The following IFFO2 variants were observed in gnomAD, a reference collection of about 807,000 sequenced individuals.
IFFO2 encodes intermediate filament family orphan 2.
A neutral mutation model predicts 53.5 loss-of-function variants in IFFO2; 19 were observed. That is an observed-to-expected ratio of 0.36 (90% CI 0.25 to 0.52). The LOEUF (loss-of-function observed/expected upper bound fraction) is 0.52. IFFO2 is among the 20% of genes least tolerant of loss of function. IFFO2 has a pLI of 0.94. For missense variants in IFFO2, 570 were observed against 727.4 expected, an observed-to-expected ratio of 0.78 and a Z score of 2.49; for synonymous variants, 303 against 313.6, an observed-to-expected ratio of 0.97 and a Z score of 0.36.
At chr1:18,942,768 G>A (rs569034755) in intron 1 of IFFO2, among the ~76,000 whole-genome samples, 1 of 152,272 alleles carries the variant, frequency 6.6e-6, no homozygotes, top group African/African-American at 2.4e-5. Context: ...GGCTCTGCCA[G>A]CAGTAGCTTG....
chr1:18,952,554 A>G (rs28422004), intron 1 of IFFO2, among the ~76,000 whole-genome samples: 43,725 of 152,206 alleles, frequency 0.29, 7,190 homozygotes, highest in East Asian at 0.5. Flanking sequence ...TACATGCTAC[A>G]ACATGGATGA....
chr1:18,955,543 A>G (rs1046335694), intron 1 of IFFO2, 125 bp downstream of exon 1: 85 of 1,357,610 alleles, frequency 6.3e-5, no homozygotes, highest in Admixed American at 8.9e-5. Flanking sequence ...CGCTCTGCAA[A>G]CACAGCTTCC....
Position 18,906,801 on chromosome 1 carries a change from G to C in IFFO2, c.*1760C>G, listed in dbSNP as rs369130425. The C allele has an allele frequency of 6.6e-6, 1 of 152,198 alleles. No homozygotes were observed. Among genetic ancestry groups the C allele is most frequent in the Non-Finnish European group, 1.5e-5 (1 of 68,036 alleles). The allele number at this position is 152,198 out of a possible 1,614,324, so 9.4% of individuals were successfully genotyped here. ...ACAGCCAGACTGCCACAGGGGACCC[G>C]TGGGAGGTGCCCCCAGCAAAAGAAA... On this transcript the variant is annotated 3_prime_UTR_variant, in exon 9 of 9. Transcript: ENST00000455833.
At chr1:18,914,434 G>A (rs1936100881) in intron 5 of IFFO2, among the ~76,000 whole-genome samples, 1 of 152,138 alleles carries the variant, frequency 6.6e-6, no homozygotes, top group African/African-American at 2.4e-5. Flanking sequence ...CCCAGCCTGG[G>A]ATCTCCGGGA....
In IFFO2 at chr1:18,918,530, G is replaced by C. The variant is rs1345474101; in HGVS notation, c.823-28C>G. 1.8e-5 allele frequency: 28 copies of C among 1,550,756 alleles called. No individual in the cohort carries two copies. The highest frequency in any genetic ancestry group is 2.7e-5 in the African/African-American group (2 of 72,986). ...GCAGGGAGGACAGCAGGGTTTACAT[G>C]AGCGAGGGATGGAGCAAGCCTGGGG... On this transcript the variant is annotated intron_variant, in intron 3 of 8. Transcript: ENST00000455833. This position sits in a 1 kb window ranked among gnomAD's most constrained non-coding sequence, Gnocchi z 5.2.
chr1:18,927,917 C>T (rs1169487445), intron 1 of IFFO2, among the ~76,000 whole-genome samples: 2 of 152,196 alleles, frequency 1.3e-5, no homozygotes, highest in Non-Finnish European at 2.9e-5. Flanking sequence ...CCATCCCCCT[C>T]GAATACCACA....
chr1:18,918,366 A>T lies in IFFO2; in HGVS notation c.959T>A (p.Phe320Tyr). ...GAGCAGGGCAGCCCTAGTCACCTGG[A>T]AGATCTTGGACACGTCTTCTGAGTT... is the stretch of plus-strand genomic sequence containing the variant. Reference protein sequence around the residue: ...QRNSEDVSKIFQVVPKKKERK... With the variant: ...QRNSEDVSKIYQVVPKKKERK... Residue 320 changes from phenylalanine to tyrosine, a missense_variant, in exon 4 of 9, where the codon TTC becomes TAC. Coordinates refer to ENST00000455833, the MANE Select transcript of IFFO2 (RefSeq NM_001136265.2). This position sits in a 1 kb window ranked among gnomAD's most constrained non-coding sequence, Gnocchi z 5.2. 6.4e-7 allele frequency: 1 copy of T among 1,551,140 alleles called. No homozygotes were observed. The highest frequency in any genetic ancestry group is 8.7e-7 in the Non-Finnish European group (1 of 1,146,476).
intron 1 of IFFO2, among the ~76,000 whole-genome samples, chr1:18,929,334 G>A (rs916066987): frequency 6.6e-6 from 1 of 152,168 alleles, no homozygotes; most frequent in Non-Finnish European, 1.5e-5. Context: ...TGTCACCCTG[G>A]CTCTACCCAC....
At position 18,916,893 on chromosome 1, in the gene IFFO2, G is replaced by A; in HGVS notation, c.1103+10C>T. 6.4e-7 allele frequency: 1 copy of A among 1,551,696 alleles called. No homozygotes were observed. Among genetic ancestry groups the A allele is most frequent in the Non-Finnish European group, 8.7e-7 (1 of 1,146,968 alleles). Reference sequence around the variant, plus strand: ...GAAACGGAGAGTGTGCGGGCCACGGGGATACTCACAGCTGGTTAAACATGC... The same window carrying A: ...GAAACGGAGAGTGTGCGGGCCACGGAGATACTCACAGCTGGTTAAACATGC... On this transcript the variant is annotated intron_variant, in intron 5 of 8. Coordinates refer to ENST00000455833, the MANE Select transcript of IFFO2 (RefSeq NM_001136265.2). This position sits in a 1 kb window ranked among gnomAD's most constrained non-coding sequence, Gnocchi z 4.3.
Position 18,918,374 on chromosome 1 carries a change from G to T in IFFO2, c.951C>A (p.Ser317=), listed in dbSNP as rs1165132428. The T allele has an allele frequency of 1.9e-6, 3 of 1,551,856 alleles. No homozygotes were observed. Among genetic ancestry groups the T allele is most frequent in the African/African-American group, 1.4e-5 (1 of 73,178 alleles). Residue 317 remains serine, a synonymous_variant, in exon 4 of 9, where the codon TCC becomes TCA. Coordinates refer to ENST00000455833, the MANE Select transcript of IFFO2 (RefSeq NM_001136265.2). This position sits in a 1 kb window ranked among gnomAD's most constrained non-coding sequence, Gnocchi z 5.2. ...VAQQRNSEDV[S]KIFQVVPKKK... ...CAGCCCTAGTCACCTGGAAGATCTT[G>T]GACACGTCTTCTGAGTTCCGCTGCT...
Position 18,955,957 on chromosome 1 carries a change from T to G in IFFO2, c.376A>C (p.Ser126Arg). 2 of 1,313,342 alleles carry G rather than the reference T, an allele frequency of 1.5e-6. No homozygotes were observed. Among genetic ancestry groups the G allele is most frequent in the Non-Finnish European group, 1.9e-6 (2 of 1,029,754 alleles). 81.4% of individuals were successfully genotyped at this position (1,313,342 alleles called of 1,614,324 possible). ...TTGGCGCCGGCCGCCGCGCCACTGC[T>G]GAGGCCGTGCCCGCCGCCGGGCGCC... ...PPAPGGGHGL[S>R]SGAAAGANAN... is the part of the protein sequence containing the mutation. Residue 126 changes from serine to arginine, a missense_variant, in exon 1 of 9, where the codon AGC (serine) becomes CGC (arginine). By Grantham distance (110) the Ser-to-Arg change is moderately radical (BLOSUM62 -1). Transcript: ENST00000455833.
intron 5 of IFFO2, among the ~76,000 whole-genome samples, chr1:18,915,445 T>A (rs980344011): frequency 1.3e-5 from 2 of 151,878 alleles, no homozygotes; most frequent in African/African-American, 4.8e-5. Flanking sequence ...GAGCCTGGAG[T>A]GGGTATAGCA....
chr1:18,917,212 C>T lies in IFFO2; in HGVS notation c.964-170G>A, dbSNP rs928672366. Among the ~76,000 whole-genome samples, 6 of 152,154 alleles carry T rather than the reference C, an allele frequency of 3.9e-5. No individual in the cohort carries two copies. The highest frequency in any genetic ancestry group is 4.1e-4 in the South Asian group (2 of 4,826). ...AGAAGCAGGCGGCGTTAGCAGGAAG[C>T]GCGAGGTGGGAGACATGCAGGGGGA... On this transcript the variant is annotated intron_variant, in intron 4 of 8. Transcript: ENST00000455833. The surrounding 1 kb of genome is among the most constrained non-coding windows in gnomAD (Gnocchi z 5.9).
In IFFO2 at chr1:18,928,401, C is replaced by T. The variant is rs533394155; in HGVS notation, c.666-7280G>A. ...AGGAGGTATTAATTTAATGTGAACA[C>T]TTAACCAGGGCAGCCGATTCCATTA... On this transcript the variant is annotated intron_variant, in intron 1 of 8. Coordinates refer to ENST00000455833, the MANE Select transcript of IFFO2 (RefSeq NM_001136265.2). This position sits in a 1 kb window ranked among gnomAD's most constrained non-coding sequence, Gnocchi z 4.9. 2.0e-5 allele frequency among the ~76,000 whole-genome samples: 3 copies of T among 152,358 alleles called. No individual in the cohort carries two copies. The South Asian group carries it at 6.2e-4, about 32-fold the overall frequency.
chr1:18,943,233 G>T (rs1000296319), intron 1 of IFFO2, among the ~76,000 whole-genome samples: 4 of 152,050 alleles, frequency 2.6e-5, no homozygotes, highest in Non-Finnish European at 4.4e-5. Flanking sequence ...AAAAAAATTA[G>T]CTGGGTGTAG....
At chr1:18,914,024 C>T (rs535437858) in intron 5 of IFFO2, among the ~76,000 whole-genome samples, 1 of 151,900 alleles carries the variant, frequency 6.6e-6, no homozygotes, top group Non-Finnish European at 1.5e-5. Context: ...GTAGAGACAG[C>T]GTTTCACCGT....
chr1:18,945,016 G>C (rs1338641681), intron 1 of IFFO2, among the ~76,000 whole-genome samples: 1 of 152,144 alleles, frequency 6.6e-6, no homozygotes, highest in Non-Finnish European at 1.5e-5. Context: ...CGGGCACCAG[G>C]AGCAGCTCCA....
Position 18,955,691 on chromosome 1 carries a change from G to A in IFFO2, c.642C>T (p.Arg214=). ...ALYNVLAKVK[R]ERDEYKRRWE... is the part of the protein sequence containing the mutation. ...ACCTCCGCTTATACTCGTCGCGCTC[G>A]CGCTTCACCTTGGCCAGCACGTTGT... The change falls in exon 1 of 9, where the codon CGC becomes CGT. Residue 214 remains arginine, a synonymous_variant. Transcript: ENST00000455833. 6.3e-7 allele frequency: 1 copy of A among 1,591,590 alleles called. No homozygotes were observed. The highest frequency in any genetic ancestry group is 8.5e-7 in the Non-Finnish European group (1 of 1,172,192).
At chr1:18,951,540 C>G (rs1012382951) in intron 1 of IFFO2, among the ~76,000 whole-genome samples, 1 of 152,208 alleles carries the variant, frequency 6.6e-6, no homozygotes, top group Non-Finnish European at 1.5e-5. Context: ...ACACCAGGCC[C>G]CCAAAAGAGT....
Sources: gnomAD v4.1 joint callset for allele counts (sites outside exome capture counted in the v4.1 genomes callset) on GRCh38, gnomAD v4.1.1 for gene constraint, Gnocchi (gnomAD v3.1) non-coding constraint, MANE v1.5 for transcripts, NCBI Gene and HGNC (gene_info 2026-07-23, HGNC 2026-07-21) for gene names.